Variants in RCN3 observed in about 807,000 individuals in gnomAD.
RCN3 encodes the protein reticulocalbin-3.
In RCN3, 41 loss-of-function variants were observed where a neutral mutation model predicts 35.9. The observed-to-expected ratio is 1.14, with a 90% CI of 0.89 to 1.48. RCN3 has a LOEUF of 1.48. Ranked by LOEUF, RCN3 falls within the 40% of genes most tolerant of loss-of-function variation. The probability of loss-of-function intolerance (pLI) is 0.00; values close to 1 mark genes in which losing one functional copy is unlikely to be tolerated. For synonymous variants in RCN3, 187 were observed against 193.4 expected, an observed-to-expected ratio of 0.97 and a Z score of 0.27; for missense variants, 451 against 471.3, an observed-to-expected ratio of 0.96 and a Z score of 0.40.
At chr19:49,532,615 C>T (rs746396116) in intron 2 of RCN3, among the ~76,000 whole-genome samples, 36 of 152,130 alleles carry the variant, frequency 2.4e-4, no homozygotes, top group South Asian at 4.2e-4. Context: ...CTCAGGTGAT[C>T]TGCCCACTTC....
chr19:49,542,969 C>CGG, intron 6 of RCN3, 137 bp from the exon 7 acceptor site: 1 of 846,536 alleles, frequency 1.2e-6, no homozygotes, highest in Non-Finnish European at 1.9e-6. Context: ...GGGACCAAGA[C>CGG]GGGGACAGAT....
intron 5 of RCN3, among the ~76,000 whole-genome samples, chr19:49,539,611 G>A (rs2080153469): frequency 1.7e-5 from 1 of 59,628 alleles, no homozygotes; most frequent in Non-Finnish European, 2.8e-5. Context: ...ATGGGATGTT[G>A]GGGGATCCTC....
chr19:49,528,326 G>A, intron 1 of RCN3, 141 bp from the exon 2 acceptor site: 2 of 718,046 alleles, frequency 2.8e-6, no homozygotes, highest in South Asian at 3.7e-5. Context: ...CCCATCGCCC[G>A]CCCTTTTTGA....
intron 5 of RCN3, among the ~76,000 whole-genome samples, chr19:49,540,388 C>G (rs975508623): frequency 2.6e-5 from 4 of 151,896 alleles, no homozygotes; most frequent in Admixed American, 2.6e-4. Flanking sequence ...AATCCCAGCA[C>G]TTTGGGAGGC....
rs1164160901 is a variant in RCN3, at chr19:49,531,292, C to T, written c.242+2578C>T. 2.0e-5 allele frequency among the ~76,000 whole-genome samples: 3 copies of T among 152,126 alleles called. No individual in the cohort carries two copies. In the East Asian group the frequency reaches 5.8e-4, roughly 29 times the overall value. ...CAAAATCATGCCGCTGCACTCCAGC[C>T]TAAGCAACAGAGCAAGACTTTGTCT... On this transcript the variant is annotated intron_variant, in intron 2 of 6. Coordinates refer to ENST00000270645, the MANE Select transcript of RCN3 (RefSeq NM_020650.3).
At chr19:49,528,160 G>A in intron 1 of RCN3, 102 bp downstream of exon 1, 1 of 323,232 alleles carries the variant, frequency 3.1e-6, no homozygotes, top group South Asian at 1.4e-4. Context: ...CTGACCTCTC[G>A]CTGGCCACAA....
intron 5 of RCN3, among the ~76,000 whole-genome samples, chr19:49,541,072 G>A (rs2080160857): frequency 6.6e-6 from 1 of 151,886 alleles, no homozygotes; most frequent in African/African-American, 2.4e-5. Flanking sequence ...GTGGGATTAT[G>A]GGCGTGCACT....
chr19:49,528,169 A>T (rs1188926832), intron 1 of RCN3, 111 bp downstream of exon 1: 1 of 346,242 alleles, frequency 2.9e-6, no homozygotes, highest in East Asian at 4.4e-5. Context: ...CGCTGGCCAC[A>T]ACTATGCCCT....
chr19:49,536,983 T>C (rs777066273), intron 3 of RCN3, 50 bp from the exon 4 acceptor site: 1 of 1,437,678 alleles, frequency 7.0e-7, no homozygotes, highest in Admixed American at 2.5e-5. Flanking sequence ...TTAACCTGCT[T>C]GGCGTTTCCT....
Position 49,528,711 on chromosome 19 carries a change from TGGGGTAAGAGA to T in RCN3, c.241_242+9del. The T allele has an allele frequency of 6.3e-7, 1 of 1,587,858 alleles. No homozygotes were observed. Among genetic ancestry groups the T allele is most frequent in the Non-Finnish European group, 8.6e-7 (1 of 1,166,408 alleles). The stretch of plus-strand genomic sequence containing the variant: ...ACCCCAGAGGAAAGCCAGGCCCGTC[TGGGGTAAGAGA>T]GACATTCGGTTGGGGCGTGTCCAGA... On this transcript the variant is annotated splice_donor_variant and splice_donor_5th_base_variant and coding_sequence_variant and intron_variant, in exon 2 of 7. Coordinates refer to ENST00000270645, the MANE Select transcript of RCN3 (RefSeq NM_020650.3).
chr19:49,535,991 CTT>C (rs201951393), intron 3 of RCN3, among the ~76,000 whole-genome samples: 4 of 140,280 alleles, frequency 2.9e-5, no homozygotes. Context: ...TCAATATATG[CTT>C]TTTTTTTTTT....
chr19:49,538,378 A>C (rs1255693629), intron 4 of RCN3, among the ~76,000 whole-genome samples: 1 of 149,080 alleles, frequency 6.7e-6, no homozygotes, highest in African/African-American at 2.5e-5. Context: ...TGTGTTAGCC[A>C]GGATGGTCTC....
intron 5 of RCN3, 123 bp from the exon 6 acceptor site, chr19:49,542,428 CGA>C (rs967524534): frequency 1.6e-6 from 1 of 628,192 alleles, no homozygotes; most frequent in Non-Finnish European, 2.8e-6. Flanking sequence ...GACGCTGAGG[CGA>C]GAGAGAGGGT....
rs889038376 is a variant in RCN3, at chr19:49,534,479, A to G, written c.445+84A>G. 12 of 1,414,014 alleles carry G rather than the reference A, an allele frequency of 8.5e-6. No individual in the cohort carries two copies. The African/African-American group carries it at 1.8e-4, about 21-fold the overall frequency. 87.6% of individuals were successfully genotyped at this position (1,414,014 alleles called of 1,614,324 possible). ...GCCTCATTCTGAGAACCCTGAACCCATTTACCCGGAGTCCCTGGCCCCTAA... is the reference window on the plus strand; with the variant it reads ...GCCTCATTCTGAGAACCCTGAACCCGTTTACCCGGAGTCCCTGGCCCCTAA... On this transcript the variant is annotated intron_variant, in intron 3 of 6. Coordinates refer to ENST00000270645, the MANE Select transcript of RCN3 (RefSeq NM_020650.3).
At chr19:49,536,757 C>A (rs913362052) in intron 3 of RCN3, among the ~76,000 whole-genome samples, 1 of 151,426 alleles carries the variant, frequency 6.6e-6, no homozygotes, top group Non-Finnish European at 1.5e-5. Flanking sequence ...TACAGGCGTG[C>A]CCCACCATGC....
rs149456986 is a variant in RCN3, at chr19:49,528,592, G to T, written c.120G>T (p.Leu40=). The T allele has an allele frequency of 5.8e-5, 94 of 1,610,356 alleles. 1 individual carries two copies. The highest frequency in any genetic ancestry group is 7.6e-5 in the Non-Finnish European group (89 of 1,178,510). The change falls in exon 2 of 7, where the codon CTG becomes CTT. Residue 40 remains leucine (L), a synonymous_variant. Transcript: ENST00000270645. ...GQGRVHQAAP[L]SDAPHDDAHG... ...GGAGGGTGCACCAGGCGGCCCCCCT[G>T]AGCGACGCTCCCCATGATGACGCCC...
intron 4 of RCN3, among the ~76,000 whole-genome samples, chr19:49,538,851 C>T (rs1281093037): frequency 6.6e-6 from 1 of 152,148 alleles, no homozygotes; most frequent in Admixed American, 6.6e-5. Flanking sequence ...GACAGCTCCC[C>T]TTGTGAGCAA....
At chr19:49,537,241 C>T (rs1234601134) in intron 4 of RCN3, 36 bp downstream of exon 4, 3 of 1,423,140 alleles carry the variant, frequency 2.1e-6, no homozygotes, top group Non-Finnish European at 1.9e-6. Flanking sequence ...CCCCCACACC[C>T]TTCCGGGGAC....
intron 2 of RCN3, among the ~76,000 whole-genome samples, chr19:49,529,364 C>G (rs1214508521): frequency 1.3e-5 from 2 of 152,142 alleles, no homozygotes; most frequent in Non-Finnish European, 2.9e-5. Flanking sequence ...AGGAGCCCGG[C>G]CAGTGCAGGA....
Sources: gnomAD v4.1 joint callset for allele counts (sites outside exome capture counted in the v4.1 genomes callset) on GRCh38, gnomAD v4.1.1 for gene constraint, MANE v1.5 for transcripts, NCBI Gene and HGNC (gene_info 2026-07-23, HGNC 2026-07-21) for gene names.